SH3KBP1: variants seen among roughly 807,000 people sequenced by gnomAD.
SH3KBP1 encodes SH3 domain-containing kinase-binding protein 1.
A neutral mutation model predicts 50.1 loss-of-function variants in SH3KBP1; 8 were observed. That is an observed-to-expected ratio of 0.16 (90% CI 0.09 to 0.29). The LOEUF (loss-of-function observed/expected upper bound fraction) is 0.29. Among genes scored for constraint, SH3KBP1 ranks in the 10% least tolerant of loss-of-function variants. The pLI, the probability that SH3KBP1 is intolerant of heterozygous loss-of-function variation, is 1.00. For synonymous variants in SH3KBP1, 227 were observed against 218.6 expected, an observed-to-expected ratio of 1.04 and a Z score of -0.34; for missense variants, 377 against 535.2, an observed-to-expected ratio of 0.70 and a Z score of 2.92.
chrX:19,776,392 G>A (rs2148903901), intron 2 of SH3KBP1, among the ~76,000 whole-genome samples: 1 of 109,704 alleles, frequency 9.1e-6, no homozygotes, highest in Admixed American at 9.8e-5. Context: ...AAAAGAGTGG[G>A]AGTGGATGAG....
intron 13 of SH3KBP1, among the ~76,000 whole-genome samples, chrX:19,554,589 A>G (rs1344191533): frequency 9.2e-6 from 1 of 108,404 alleles, no homozygotes; most frequent in Non-Finnish European, 1.9e-5. Context: ...TTTAGTAGAG[A>G]CGGGGTTTCA....
intron 12 of SH3KBP1, among the ~76,000 whole-genome samples, chrX:19,577,384 C>T (rs1359583280): frequency 9.0e-6 from 1 of 111,647 alleles, no homozygotes; most frequent in Admixed American, 9.5e-5. Flanking sequence ...TTATCAAGGA[C>T]GCCAGGCAGC....
At chrX:19,882,491 G>C (rs1037966421) in intron 1 of SH3KBP1, among the ~76,000 whole-genome samples, 1 of 111,313 alleles carries the variant, frequency 9.0e-6, no homozygotes, top group Non-Finnish European at 1.9e-5. Context: ...GCTTTGGAGA[G>C]AGGAAGAGGC....
chrX:19,712,710 A>G (rs1433329032), intron 3 of SH3KBP1, among the ~76,000 whole-genome samples: 1 of 111,409 alleles, frequency 9.0e-6, no homozygotes, highest in Admixed American at 9.6e-5. Context: ...GAGAGCTGGC[A>G]GATACAGCCT....
At chrX:19,696,322 G>A (rs974324692) in intron 4 of SH3KBP1, among the ~76,000 whole-genome samples, 5 of 111,822 alleles carry the variant, frequency 4.5e-5, no homozygotes, top group African/African-American at 1.6e-4. Context: ...GCATTTAAAA[G>A]CATTATCTAA....
intron 3 of SH3KBP1, among the ~76,000 whole-genome samples, chrX:19,735,761 T>C (rs1346659276): frequency 1.0e-5 from 1 of 99,269 alleles, no homozygotes; most frequent in African/African-American, 3.7e-5. Flanking sequence ...TCTTGCTCAG[T>C]TGCCCAGGCT....
chrX:19,723,351 T>A (rs1017180908), intron 3 of SH3KBP1, among the ~76,000 whole-genome samples: 2 of 111,804 alleles, frequency 1.8e-5, no homozygotes, highest in African/African-American at 6.5e-5. Flanking sequence ...GCCATAGGTG[T>A]ATCTCCACAC....
intron 6 of SH3KBP1, chrX:19,670,993 A>T (rs1005967944): frequency 9.2e-7 from 1 of 1,081,158 alleles, no homozygotes; most frequent in African/African-American, 1.9e-5. Context: ...CATACTTGGG[A>T]CCAAATGAGG....
At chrX:19,581,544 G>A (rs900771791) in intron 12 of SH3KBP1, among the ~76,000 whole-genome samples, 3 of 111,597 alleles carry the variant, frequency 2.7e-5, no homozygotes, top group African/African-American at 6.5e-5. Context: ...CTTTTCTAAT[G>A]CTTTCTTTTG....
intron 2 of SH3KBP1, among the ~76,000 whole-genome samples, chrX:19,814,841 CT>C (rs2067307931): frequency 8.9e-6 from 1 of 111,809 alleles, no homozygotes; most frequent in South Asian, 3.7e-4. Flanking sequence ...CCCCACTTCT[CT>C]CTTCCTCCAT....
Position 19,587,222 on chromosome X carries a change from C to CAA in SH3KBP1, c.1298+1419_1298+1420dup, listed in dbSNP as rs762405835. On this transcript the variant is annotated intron_variant, in intron 12 of 17. Coordinates refer to ENST00000397821, the MANE Select transcript of SH3KBP1 (RefSeq NM_031892.3). ...GGGCAACAAGAGCGAAACTCTGCCT[C>CAA]AAAAAAAAAAAAAAAAAAAAGATGA... Among the ~76,000 whole-genome samples, 103 of 36,717 alleles carry CAA rather than the reference C, an allele frequency of 2.8e-3. 1 individual carries two copies. Among genetic ancestry groups the CAA allele is most frequent in the African/African-American group, 9.2e-3 (98 of 10,696 alleles). 31.9% of individuals were successfully genotyped at this position (36,717 alleles called of 115,157 possible). A position where few individuals can be genotyped will look rare whatever the true frequency, so the allele number is the denominator to read the frequency against.
At chrX:19,762,624 A>G (rs2065466354) in intron 2 of SH3KBP1, among the ~76,000 whole-genome samples, 1 of 111,675 alleles carries the variant, frequency 9.0e-6, no homozygotes, top group Admixed American at 9.5e-5. Context: ...CAATTCCTTG[A>G]GTAATAATAA....
intron 12 of SH3KBP1, among the ~76,000 whole-genome samples, chrX:19,587,906 C>A (rs766274429): frequency 8.9e-6 from 1 of 112,520 alleles, no homozygotes; most frequent in East Asian, 2.8e-4. Flanking sequence ...ACATATAATA[C>A]ATATATATTT....
chrX:19,579,582 C>A (rs1030053453), intron 12 of SH3KBP1, among the ~76,000 whole-genome samples: 9 of 112,133 alleles, frequency 8.0e-5, no homozygotes, highest in African/African-American at 2.3e-4. Flanking sequence ...CTGATTCTGG[C>A]CATCAGTGGC....
intron 3 of SH3KBP1, among the ~76,000 whole-genome samples, chrX:19,737,497 T>C (rs183321853): frequency 3.5e-4 from 39 of 111,728 alleles, no homozygotes; most frequent in African/African-American, 1.2e-3. Context: ...GTTTCACTAG[T>C]AGGGAGAGAA....
chrX:19,633,100 A>G (rs965171323), intron 7 of SH3KBP1, among the ~76,000 whole-genome samples: 11 of 112,026 alleles, frequency 9.8e-5, no homozygotes, highest in African/African-American at 3.6e-4. Flanking sequence ...GTGACATATA[A>G]AATAAAAGCA....
intron 1 of SH3KBP1, among the ~76,000 whole-genome samples, chrX:19,856,949 G>GTGTTTTTTTTTTT (rs1275149618): frequency 2.6e-5 from 1 of 37,966 alleles, no homozygotes; most frequent in Non-Finnish European, 4.7e-5. Context: ...GCTAATACTA[G>GTGTTTTTTTTTTT]TCTTTTTTTT....
Position 19,665,415 on chromosome X carries a change from G to A in SH3KBP1, c.726+18408C>T, listed in dbSNP as rs532690409. Among the ~76,000 whole-genome samples, 14 of 112,024 alleles carry A rather than the reference G, an allele frequency of 1.2e-4. No individual in the cohort carries two copies. In the South Asian group the frequency reaches 2.2e-3, roughly 18 times the overall value. ...GACACTTCTGAGTCACAGGGCATTC[G>A]TAAAATGGCTTGAGGATGGCCTTTT... On this transcript the variant is annotated intron_variant, in intron 6 of 17. Coordinates refer to ENST00000397821, the MANE Select transcript of SH3KBP1 (RefSeq NM_031892.3).
intron 3 of SH3KBP1, among the ~76,000 whole-genome samples, chrX:19,727,000 C>G (rs2064238633): frequency 8.9e-6 from 1 of 112,362 alleles, no homozygotes; most frequent in Admixed American, 9.4e-5. Context: ...AGTCATCCAT[C>G]ACGCTTCTCA....
Sources: gnomAD v4.1 joint callset for allele counts (sites outside exome capture counted in the v4.1 genomes callset) on GRCh38, gnomAD v4.1.1 for gene constraint, MANE v1.5 for transcripts, NCBI Gene and HGNC (gene_info 2026-07-23, HGNC 2026-07-21) for gene names.